CCDC3: variants seen among roughly 807,000 people sequenced by gnomAD.
CCDC3 encodes coiled-coil domain-containing protein 3.
In CCDC3, 24 loss-of-function variants were observed where a neutral mutation model predicts 21.4. The ratio of observed to expected loss-of-function variants is 1.12; its 90% CI spans 0.81 to 1.58. CCDC3 has a LOEUF of 1.58. Ranked by LOEUF, CCDC3 falls within the 40% of genes most tolerant of loss-of-function variation. The pLI, the probability that CCDC3 is intolerant of heterozygous loss-of-function variation, is 0.00. For missense variants in CCDC3, 425 were observed against 360.9 expected (o/e 1.18, Z -1.44); for synonymous variants, 186 against 166.0 (o/e 1.12, Z -0.93).
chr10:13,048,032 T>C (rs1299167069), intron 5 of CCDC3, among the ~76,000 whole-genome samples: 1 of 152,156 alleles, frequency 6.6e-6, no homozygotes. Context: ...GAATAGTCAA[T>C]TATGTATGCA....
In CCDC3 at chr10:13,037,535, C is replaced by T. The variant is rs1283376666; in HGVS notation, c.-2+12139G>A. Among the ~76,000 whole-genome samples the T allele has an allele frequency of 2.0e-5, 3 of 152,134 alleles. No homozygotes were observed. The East Asian group carries it at 5.8e-4, about 29-fold the overall frequency. On this transcript the variant is annotated intron_variant, in intron 5 of 6. Transcript: ENST00000378839. The stretch of plus-strand genomic sequence containing the variant: ...TCACTAGAATCAGTAAAATTATCAT[C>T]TCTCTCCTCCCTTTTTCTTTCCACG...
chr10:12,961,956 C>G (rs887840736), intron 2 of CCDC3, among the ~76,000 whole-genome samples: 1 of 152,072 alleles, frequency 6.6e-6, no homozygotes, highest in East Asian at 1.9e-4. Flanking sequence ...TACTTGGACC[C>G]GTATATGCTA....
At chr10:13,030,630 TA>T (rs1049966143) in intron 5 of CCDC3, among the ~76,000 whole-genome samples, 45 of 150,378 alleles carry the variant, frequency 3.0e-4, no homozygotes, top group African/African-American at 1.0e-3. Context: ...AGGCTCAAGA[TA>T]AAGGGATGGA....
At chr10:13,014,017 G>A (rs1415271336) in intron 5 of CCDC3, among the ~76,000 whole-genome samples, 1 of 152,020 alleles carries the variant, frequency 6.6e-6, no homozygotes, top group East Asian at 1.9e-4. Flanking sequence ...CAGGTGTGGT[G>A]GCACACACCT....
At chr10:13,058,213 A>T in intron 4 of CCDC3, 1 of 1,279,520 alleles carries the variant, frequency 7.8e-7, no homozygotes, top group Non-Finnish European at 1.1e-6. Context: ...CTTGATTGCC[A>T]GCGGTAGTTC....
chr10:13,015,672 A>G (rs1006540803), intron 5 of CCDC3, among the ~76,000 whole-genome samples: 2 of 152,060 alleles, frequency 1.3e-5, no homozygotes, highest in African/African-American at 4.8e-5. Flanking sequence ...GCAGCTGTAT[A>G]TCAGACACTG....
intron 4 of CCDC3, chr10:13,057,941 G>T: frequency 1.7e-6 from 1 of 589,308 alleles, no homozygotes. Flanking sequence ...CTCTCATATA[G>T]CAGCATGAGC....
At chr10:13,028,129 C>T (rs994813451) in intron 5 of CCDC3, among the ~76,000 whole-genome samples, 1 of 152,208 alleles carries the variant, frequency 6.6e-6, no homozygotes, top group Non-Finnish European at 1.5e-5. Flanking sequence ...TTACAGCTCC[C>T]ATAATCCCCA....
In CCDC3 at chr10:12,958,113, C is replaced by T. The variant is rs1183787529; in HGVS notation, c.549+40225G>A. Reference sequence around the variant, plus strand: ...AAGTGCTGGGATTACAGGCTTGAGCCCCTATTCCTGGCCTAAACCTCTTTT... The same window carrying T: ...AAGTGCTGGGATTACAGGCTTGAGCTCCTATTCCTGGCCTAAACCTCTTTT... On this transcript the variant is annotated intron_variant, in intron 2 of 2. Coordinates refer to ENST00000378825, the MANE Select transcript of CCDC3 (RefSeq NM_031455.4). Among the ~76,000 whole-genome samples the T allele has an allele frequency of 9.9e-5, 15 of 152,124 alleles. 1 individual carries two copies. Among genetic ancestry groups the T allele is most frequent in the Admixed American group, 9.8e-4 (15 of 15,268 alleles).
chr10:13,016,071 C>T (rs904880821), intron 5 of CCDC3, among the ~76,000 whole-genome samples: 4 of 151,826 alleles, frequency 2.6e-5, no homozygotes, highest in South Asian at 2.1e-4. Flanking sequence ...TAAATATATA[C>T]ACCTACTATG....
chr10:13,035,492 A>C (rs1836367102), intron 5 of CCDC3, among the ~76,000 whole-genome samples: 2 of 152,224 alleles, frequency 1.3e-5, no homozygotes, highest in South Asian at 4.1e-4. Context: ...CTCCTACTCT[A>C]TGTGAACCTT....
chr10:12,986,739 C>T (rs751140241), intron 2 of CCDC3, among the ~76,000 whole-genome samples: 3 of 151,412 alleles, frequency 2.0e-5, no homozygotes, highest in Non-Finnish European at 4.4e-5. Flanking sequence ...TGCCACTGCA[C>T]CCCAGCCTGG....
At chr10:13,067,897 T>C (rs546683056) in intron 4 of CCDC3, among the ~76,000 whole-genome samples, 2 of 152,282 alleles carry the variant, frequency 1.3e-5, no homozygotes, top group East Asian at 3.9e-4. Flanking sequence ...AAGTTATAAG[T>C]ATATTTAAAA....
chr10:13,039,488 G>T (rs1225660751), intron 5 of CCDC3, among the ~76,000 whole-genome samples: 3 of 152,024 alleles, frequency 2.0e-5, no homozygotes, highest in African/African-American at 7.2e-5. Flanking sequence ...ATTTACACTG[G>T]AATTGATAGT....
rs555255841 is a variant in CCDC3 at position 13,023,303 on chromosome 10, T to C, written c.-1-24791A>G. Among the ~76,000 whole-genome samples, 50 of 152,144 alleles carry C rather than the reference T, an allele frequency of 3.3e-4. 1 individual carries two copies. The highest frequency in any genetic ancestry group is 1.2e-3 in the African/African-American group (50 of 41,530). ...ACAATTCTGTTGGTTGATTAGGTAG[T>C]TTTTTCTGTTTCACTTGTAGTCTGG... On this transcript the variant is annotated intron_variant, in intron 5 of 6. Coordinates refer to the CCDC3 transcript ENST00000378839.
At position 13,031,020 on chromosome 10, in the gene CCDC3, A is replaced by G. The variant is rs55813232; in HGVS notation, c.-2+18654T>C. ...CTAATAGACATCTACAGAACTCTCC[A>G]CCCCAAATCAACAGAATATACATTC... On this transcript the variant is annotated intron_variant, in intron 5 of 6. Coordinates refer to the CCDC3 transcript ENST00000378839. Among the ~76,000 whole-genome samples, 231 of 152,284 alleles carry G rather than the reference A, an allele frequency of 1.5e-3. 1 individual carries two copies. Among genetic ancestry groups the G allele is most frequent in the African/African-American group, 5.3e-3 (221 of 41,544 alleles).
intron 5 of CCDC3, among the ~76,000 whole-genome samples, chr10:13,040,945 T>C (rs962398536): frequency 3.3e-5 from 5 of 152,192 alleles, no homozygotes; most frequent in South Asian, 2.1e-4. Context: ...TTTTAAGACC[T>C]TGAGAATCTT....
At chr10:13,008,994 A>G (rs968230490) in intron 5 of CCDC3, among the ~76,000 whole-genome samples, 1 of 152,222 alleles carries the variant, frequency 6.6e-6, no homozygotes, top group East Asian at 1.9e-4. Flanking sequence ...GTAAAATTCT[A>G]TTTACCCATG....
At chr10:13,090,042 T>TAG (rs1564345316) in intron 3 of CCDC3, among the ~76,000 whole-genome samples, 3 of 1,826 alleles carry the variant, frequency 1.6e-3, no homozygotes, top group African/African-American at 2.2e-3. Flanking sequence ...TAGATATATA[T>TAG]ATATATATAT....
Sources: gnomAD v4.1 joint callset for allele counts (sites outside exome capture counted in the v4.1 genomes callset) on GRCh38, gnomAD v4.1.1 for gene constraint, MANE v1.5 for transcripts, NCBI Gene and HGNC (gene_info 2026-07-23, HGNC 2026-07-21) for gene names.